Variants in FRAS1 observed in about 807,000 individuals in gnomAD.
FRAS1 encodes extracellular matrix organizing protein FRAS1.
In FRAS1, 290 loss-of-function variants were observed where a neutral mutation model predicts 435.2. The observed-to-expected ratio is 0.67, with a 90% CI of 0.61 to 0.73. The LOEUF (loss-of-function observed/expected upper bound fraction) is 0.73. Among genes scored for constraint, FRAS1 ranks in the 30% least tolerant of loss-of-function variants. The probability of loss-of-function intolerance (pLI) is 0.00; values close to 1 mark genes in which losing one functional copy is unlikely to be tolerated. For missense variants in FRAS1, 4,860 were observed against 5,001.5 expected, an observed-to-expected ratio of 0.97 and a Z score of 0.85; for synonymous variants, 1,800 against 1,851.0, an observed-to-expected ratio of 0.97 and a Z score of 0.71.
intron 70 of FRAS1, among the ~76,000 whole-genome samples, chr4:78,532,800 G>A (rs61284375): frequency 0.45 from 68,727 of 151,922 alleles, 16,038 homozygotes; most frequent in East Asian, 0.79. Flanking sequence ...ATGTGGTCAC[G>A]AATGGCAGGA....
At position 78,131,296 on chromosome 4, in the gene FRAS1, A is replaced by G. The variant is rs1004096529; in HGVS notation, c.108+65280A>G. Among the ~76,000 whole-genome samples, 4 of 152,284 alleles carry G rather than the reference A, an allele frequency of 2.6e-5. No individual in the cohort carries two copies. In the South Asian group the frequency reaches 8.3e-4, roughly 32 times the overall value. ...ATAGGAAACCTCTTGTCGACTAGAT[A>G]TATTTGATCCAGGCAGGCACAGATC... On this transcript the variant is annotated intron_variant, in intron 2 of 73. Coordinates refer to ENST00000512123, the MANE Select transcript of FRAS1 (RefSeq NM_025074.7).
chr4:78,191,996 A>G (rs1722558631), intron 2 of FRAS1, among the ~76,000 whole-genome samples: 1 of 152,164 alleles, frequency 6.6e-6, no homozygotes, highest in African/African-American at 2.4e-5. Flanking sequence ...GTGCTGCAAT[A>G]AACATACGTG....
At chr4:78,532,672 T>G (rs1721753641) in intron 70 of FRAS1, among the ~76,000 whole-genome samples, 1 of 152,212 alleles carries the variant, frequency 6.6e-6, no homozygotes, top group African/African-American at 2.4e-5. Flanking sequence ...ATCCAGCTTT[T>G]GGAGTTTTTT....
chr4:78,188,306 T>C (rs1722370001), intron 2 of FRAS1, among the ~76,000 whole-genome samples: 1 of 10,032 alleles, frequency 1.0e-4, no homozygotes, highest in African/African-American at 1.2e-4. Context: ...TCTATCTATC[T>C]ATCTATCTAT....
chr4:78,369,926 T>C lies in FRAS1; in HGVS notation c.2811T>C (p.Cys937=), dbSNP rs936338537. ...DPNKVLLFGE[C]QYESCAPQYY... is the part of the protein sequence containing the mutation. ...ACAAGGTTCTGCTCTTTGGGGAATGTCAATACGAGAGCTGCGCCCCACAGT... is the reference window on the plus strand; with the variant it reads ...ACAAGGTTCTGCTCTTTGGGGAATGCCAATACGAGAGCTGCGCCCCACAGT... Residue 937 remains cysteine (C), a synonymous_variant, in exon 23 of 74, where the codon TGT becomes TGC. Transcript: ENST00000512123. The C allele has an allele frequency of 2.5e-6, 4 of 1,613,744 alleles. No homozygotes were observed. The highest frequency in any genetic ancestry group is 2.7e-5 in the African/African-American group (2 of 74,936).
At chr4:78,300,424 G>C (rs1194245601) in intron 14 of FRAS1, among the ~76,000 whole-genome samples, 4 of 152,060 alleles carry the variant, frequency 2.6e-5, no homozygotes, top group Admixed American at 1.3e-4. Flanking sequence ...ATAGAAATGG[G>C]CCCTGCCCTC....
At chr4:78,455,883 G>A (rs975282358) in intron 47 of FRAS1, among the ~76,000 whole-genome samples, 2 of 152,182 alleles carry the variant, frequency 1.3e-5, no homozygotes, top group African/African-American at 4.8e-5. Context: ...TAGGATAGAA[G>A]CTAAGCTGCT....
intron 32 of FRAS1, 35 bp downstream of exon 32, chr4:78,413,120 G>A (rs748798088): frequency 2.4e-6 from 3 of 1,268,360 alleles, no homozygotes; most frequent in African/African-American, 1.5e-5. Flanking sequence ...TTTCCACTTA[G>A]AGGAGGCACA....
At chr4:78,091,449 G>A (rs1160572424) in intron 2 of FRAS1, among the ~76,000 whole-genome samples, 2 of 152,086 alleles carry the variant, frequency 1.3e-5, no homozygotes, top group Non-Finnish European at 2.9e-5. Flanking sequence ...ATTATCTACA[G>A]AGGTGGAACT....
At chr4:78,345,587 C>T (rs1411449504) in intron 20 of FRAS1, among the ~76,000 whole-genome samples, 1 of 150,908 alleles carries the variant, frequency 6.6e-6, no homozygotes, top group Non-Finnish European at 1.5e-5. Context: ...CTTTATTTTC[C>T]TTATCTTCTT....
chr4:78,298,030 C>CTCTA (rs1253600018), intron 14 of FRAS1, among the ~76,000 whole-genome samples: 2,540 of 103,886 alleles, frequency 0.024, 20 homozygotes, highest in Non-Finnish European at 0.033. Flanking sequence ...CTCTCTCTCT[C>CTCTA]TATATATATA....
At chr4:78,129,644 TAA>T (rs1719583258) in intron 2 of FRAS1, among the ~76,000 whole-genome samples, 1 of 152,160 alleles carries the variant, frequency 6.6e-6, no homozygotes, top group Admixed American at 6.5e-5. Context: ...AGTGATGCAG[TAA>T]AGACTTCCAG....
At chr4:78,368,698 A>T (rs759281368) in intron 22 of FRAS1, among the ~76,000 whole-genome samples, 1 of 152,240 alleles carries the variant, frequency 6.6e-6, no homozygotes, top group Non-Finnish European at 1.5e-5. Context: ...CATGAAAAAC[A>T]TGTAGAGCAT....
At chr4:78,280,896 G>A (rs1301967202) in intron 10 of FRAS1, among the ~76,000 whole-genome samples, 3 of 152,074 alleles carry the variant, frequency 2.0e-5, no homozygotes, top group Non-Finnish European at 2.9e-5. Flanking sequence ...TTTCCTAGTG[G>A]TAGATCACAC....
At chr4:78,388,409 C>T (rs933042908) in intron 29 of FRAS1, among the ~76,000 whole-genome samples, 17 of 150,586 alleles carry the variant, frequency 1.1e-4, no homozygotes, top group African/African-American at 3.9e-4. Context: ...GACTCAAAAA[C>T]GTTGAGTTCA....
At chr4:78,307,963 A>T (rs910857409) in intron 14 of FRAS1, 103 bp from the exon 15 acceptor site, 1 of 1,191,114 alleles carries the variant, frequency 8.4e-7, no homozygotes, top group Non-Finnish European at 1.2e-6. Context: ...GAACTAAGGA[A>T]CCAACTGACA....
chr4:78,508,235 A>C (rs1720902659), intron 62 of FRAS1, among the ~76,000 whole-genome samples: 1 of 152,220 alleles, frequency 6.6e-6, no homozygotes, highest in African/African-American at 2.4e-5. Context: ...AAGCAATCAG[A>C]AGAAGCCTTC....
At chr4:78,428,160 G>A (rs1325437103) in intron 35 of FRAS1, among the ~76,000 whole-genome samples, 1 of 152,188 alleles carries the variant, frequency 6.6e-6, no homozygotes, top group Admixed American at 6.5e-5. Context: ...AGAGATGGAT[G>A]TTCACTTGGA....
At chr4:78,261,718 A>G (rs1203850554) in intron 6 of FRAS1, among the ~76,000 whole-genome samples, 2 of 152,168 alleles carry the variant, frequency 1.3e-5, no homozygotes, top group Non-Finnish European at 2.9e-5. Context: ...TCATTAGATC[A>G]TGCTTTTTGC....
Sources: gnomAD v4.1 joint callset for allele counts (sites outside exome capture counted in the v4.1 genomes callset) on GRCh38, gnomAD v4.1.1 for gene constraint, MANE v1.5 for transcripts, NCBI Gene and HGNC (gene_info 2026-07-23, HGNC 2026-07-21) for gene names.